The following RUNX1T1 variants were observed in gnomAD, a reference collection of about 807,000 sequenced individuals.
RUNX1T1 encodes protein CBFA2T1.
A neutral mutation model predicts 62.8 loss-of-function variants in RUNX1T1; 4 were observed. The ratio of observed to expected loss-of-function variants is 0.06; its 90% CI spans 0.03 to 0.15. The LOEUF (loss-of-function observed/expected upper bound fraction) is 0.15. Ranked by LOEUF, RUNX1T1 falls within the 10% of genes least tolerant of loss-of-function variation. The probability of loss-of-function intolerance (pLI) is 1.00; values close to 1 mark genes in which losing one functional copy is unlikely to be tolerated. For synonymous variants in RUNX1T1, 291 were observed against 286.0 expected (o/e 1.02, Z -0.18); for missense variants, 508 against 754.3 (o/e 0.67, Z 3.82).
intron 1 of RUNX1T1, among the ~76,000 whole-genome samples, chr8:92,089,925 T>TAAAAA (rs36052605): frequency 1.2e-5 from 1 of 80,160 alleles, no homozygotes; most frequent in Non-Finnish European, 2.3e-5. Context: ...TCCCTGAATT[T>TAAAAA]AAAAAAAAAA....
intron 1 of RUNX1T1, among the ~76,000 whole-genome samples, chr8:92,044,276 G>A (rs1160484013): frequency 2.0e-5 from 3 of 152,162 alleles, no homozygotes; most frequent in African/African-American, 2.4e-5. Flanking sequence ...GAAAGAAAAA[G>A]CCAAAATTTA....
chr8:91,979,105 AAC>A (rs1814619584), intron 8 of RUNX1T1, among the ~76,000 whole-genome samples: 1 of 152,344 alleles, frequency 6.6e-6, no homozygotes, highest in Admixed American at 6.5e-5. Context: ...CAACAGAAAG[AAC>A]AGAGTGATTG....
chr8:92,006,161 T>G (rs555878227), intron 4 of RUNX1T1: 22 of 152,270 alleles, frequency 1.4e-4, no homozygotes, highest in Admixed American at 7.2e-4. Context: ...AAGAGGCAAT[T>G]TCACACATAG....
chr8:91,981,859 A>G (rs1815357697), intron 8 of RUNX1T1, among the ~76,000 whole-genome samples: 1 of 152,196 alleles, frequency 6.6e-6, no homozygotes, highest in African/African-American at 2.4e-5. Context: ...TGTCATCACA[A>G]TGTTCATACA....
chr8:92,008,360 G>T (rs7011377), intron 4 of RUNX1T1, among the ~76,000 whole-genome samples: 34,786 of 146,282 alleles, frequency 0.24, 4,312 homozygotes, highest in African/African-American at 0.31. Flanking sequence ...TTATTTGGGT[G>T]CCACATATCT....
intron 5 of RUNX1T1, 107 bp downstream of exon 6, chr8:92,005,009 T>G: frequency 1.0e-6 from 1 of 965,200 alleles, no homozygotes; most frequent in South Asian, 1.7e-5. Context: ...ATTGCTATTG[T>G]GCAAGAATGA....
intron 1 of RUNX1T1, among the ~76,000 whole-genome samples, chr8:92,086,453 GC>G (rs1836137417): frequency 6.6e-6 from 1 of 152,144 alleles, no homozygotes; most frequent in African/African-American, 2.4e-5. Context: ...GTGGAAAGAG[GC>G]AAAACACATG....
chr8:92,015,657 C>T (rs1045710277), intron 2 of RUNX1T1, among the ~76,000 whole-genome samples: 1 of 152,216 alleles, frequency 6.6e-6, no homozygotes, highest in African/African-American at 2.4e-5. Flanking sequence ...GCATCGTTTG[C>T]ATTAAAGAAA....
chr8:92,070,969 G>A (rs771763517), intron 2 of RUNX1T1, among the ~76,000 whole-genome samples: 7 of 152,204 alleles, frequency 4.6e-5, no homozygotes, highest in Non-Finnish European at 7.3e-5. Context: ...TCAGCCCACT[G>A]TGTGGACAGA....
intron 1 of RUNX1T1, among the ~76,000 whole-genome samples, chr8:92,098,693 C>T (rs1012407029): frequency 9.9e-5 from 15 of 152,226 alleles, no homozygotes; most frequent in Middle Eastern, 3.4e-3. Flanking sequence ...TTACATAAAA[C>T]GCATTTACAA....
chr8:91,960,322 G>A, exon 11 of RUNX1T1: 1 of 1,612,296 alleles, frequency 6.2e-7, no homozygotes, highest in Non-Finnish European at 8.5e-7. Context: ...GTGTCCATCG[G>A]GCTCCCAGCC....
At chr8:92,051,115 G>A (rs902514110) in intron 1 of RUNX1T1, among the ~76,000 whole-genome samples, 4 of 151,336 alleles carry the variant, frequency 2.6e-5, no homozygotes, top group Admixed American at 2.0e-4. Context: ...TCATTTTTCT[G>A]TTTCTTTGTT....
At chr8:91,980,948 A>T (rs1298095219) in intron 8 of RUNX1T1, among the ~76,000 whole-genome samples, 1 of 152,096 alleles carries the variant, frequency 6.6e-6, no homozygotes, top group Non-Finnish European at 1.5e-5. Flanking sequence ...CTGGGATTAT[A>T]GGCATGAGAC....
At chr8:92,093,652 T>C (rs913499531) in intron 1 of RUNX1T1, among the ~76,000 whole-genome samples, 1 of 152,198 alleles carries the variant, frequency 6.6e-6, no homozygotes, top group African/African-American at 2.4e-5. Flanking sequence ...GAAGGGAACT[T>C]ACACATTATT....
At chr8:92,058,129 C>T (rs553276596) in intron 1 of RUNX1T1, among the ~76,000 whole-genome samples, 1 of 152,080 alleles carries the variant, frequency 6.6e-6, no homozygotes, top group Non-Finnish European at 1.5e-5. Context: ...TATGTTCAGG[C>T]CCTGTTTACT....
At chr8:92,044,435 T>C (rs1047820899) in intron 1 of RUNX1T1, among the ~76,000 whole-genome samples, 4 of 152,134 alleles carry the variant, frequency 2.6e-5, no homozygotes, top group African/African-American at 9.7e-5. Flanking sequence ...TGGTAAAAAA[T>C]GAGTGAAGAA....
chr8:92,026,119 G>A (rs1825096942), intron 1 of RUNX1T1, among the ~76,000 whole-genome samples: 1 of 152,154 alleles, frequency 6.6e-6, no homozygotes, highest in Non-Finnish European at 1.5e-5. Context: ...TTTGTCTGTG[G>A]ATGGTGGTAC....
intron 8 of RUNX1T1, chr8:91,979,717 G>A: frequency 2.6e-6 from 1 of 388,214 alleles, no homozygotes; most frequent in East Asian, 4.9e-5. Flanking sequence ...TAAGAAATGT[G>A]AAAGAACAGA....
chr8:91,974,811 T>G (rs1471172102), intron 9 of RUNX1T1, among the ~76,000 whole-genome samples: 13 of 152,188 alleles, frequency 8.5e-5, no homozygotes, highest in Admixed American at 8.5e-4. Flanking sequence ...AAACCTAGAA[T>G]GCTATCAGAT....
Sources: allele counts gnomAD v4.1 joint callset (sites outside exome capture counted in the v4.1 genomes callset), GRCh38; gene constraint gnomAD v4.1.1; transcripts MANE v1.5; gene names NCBI Gene and HGNC (gene_info 2026-07-23, HGNC 2026-07-21).